The following BMPR2 variants were observed in gnomAD, a reference collection of about 807,000 sequenced individuals.
BMPR2 encodes bone morphogenetic protein receptor type 2.
In BMPR2, 29 loss-of-function variants were observed where a neutral mutation model predicts 100.8. The observed-to-expected ratio is 0.29, with a 90% confidence interval of 0.21 to 0.39. The LOEUF is 0.39. Among genes scored for constraint, BMPR2 ranks in the 10% least tolerant of loss-of-function variants. BMPR2 has a pLI of 1.00. For missense variants in BMPR2, 1,011 were observed against 1,274.5 expected (o/e 0.79, Z 3.15); for synonymous variants, 382 against 442.3 (o/e 0.86, Z 1.71).
intron 3 of BMPR2, among the ~76,000 whole-genome samples, chr2:202,482,177 A>G (rs1016293052): frequency 9.9e-5 from 15 of 152,164 alleles, no homozygotes; most frequent in African/African-American, 2.9e-4. Flanking sequence ...AGGCTGAATA[A>G]TATTCCATTT....
At chr2:202,440,496 C>T (rs1277514386) in intron 1 of BMPR2, among the ~76,000 whole-genome samples, 7 of 148,738 alleles carry the variant, frequency 4.7e-5, no homozygotes, top group Admixed American at 4.7e-4. Flanking sequence ...GGCGGCCAGG[C>T]AGAGGGGCTC....
At chr2:202,427,549 T>A (rs1559035217) in intron 1 of BMPR2, among the ~76,000 whole-genome samples, 1 of 152,100 alleles carries the variant, frequency 6.6e-6, no homozygotes, top group Non-Finnish European at 1.5e-5. Flanking sequence ...CCTCTGAACC[T>A]TAAAACTTTT....
intron 10 of BMPR2, among the ~76,000 whole-genome samples, chr2:202,543,234 T>TTATATACATATATATTTATATATATATG (rs1559070554): frequency 4.8e-5 from 7 of 147,008 alleles, no homozygotes; most frequent in South Asian, 2.1e-4. Context: ...ATATATATAT[T>TTATATACATATATATTTATATATATATG]TATATACATA....
At chr2:202,540,284 G>T (rs1688247294) in intron 9 of BMPR2, among the ~76,000 whole-genome samples, 1 of 152,266 alleles carries the variant, frequency 6.6e-6, no homozygotes, top group East Asian at 1.9e-4. Context: ...TGTGTTGTGT[G>T]TATGTCTCAG....
At position 202,561,936 on chromosome 2, in the gene BMPR2, C is replaced by T. The variant is rs1355717976; in HGVS notation, c.*1990C>T. On this transcript the variant is annotated 3_prime_UTR_variant, in exon 13 of 13. Coordinates refer to ENST00000374580, the MANE Select transcript of BMPR2 (RefSeq NM_001204.7). ...TTTCCACGTTTTGTGTTTTATTGGC[C>T]CTTTTCTTTATTCAGCCCCTTAATC... 1 of 152,016 alleles carries T rather than the reference C, an allele frequency of 6.6e-6. No individual in the cohort carries two copies. Among genetic ancestry groups the T allele is most frequent in the Non-Finnish European group, 1.5e-5 (1 of 67,962 alleles). The allele number at this position is 152,016 out of a possible 1,614,324, so 9.4% of individuals were successfully genotyped here.
intron 1 of BMPR2, among the ~76,000 whole-genome samples, chr2:202,429,876 A>G (rs894477581): frequency 2.0e-5 from 3 of 152,178 alleles, no homozygotes; most frequent in East Asian, 1.9e-4. Flanking sequence ...AAACTGCACC[A>G]TGATCCAGTC....
At chr2:202,531,848 G>A (rs1688034798) in intron 8 of BMPR2, among the ~76,000 whole-genome samples, 1 of 149,408 alleles carries the variant, frequency 6.7e-6, no homozygotes, top group South Asian at 2.1e-4. Context: ...GGGTGGTCTT[G>A]AAGTCCTGAC....
At chr2:202,453,830 T>C (rs1236410354) in intron 1 of BMPR2, among the ~76,000 whole-genome samples, 1 of 152,202 alleles carries the variant, frequency 6.6e-6, no homozygotes, top group Admixed American at 6.5e-5. Context: ...AATTGGATTG[T>C]TTGTAATACA....
At chr2:202,457,557 TATATAGAGAGAGAGAG>T (rs1383278133) in intron 1 of BMPR2, among the ~76,000 whole-genome samples, 37 of 100,802 alleles carry the variant, frequency 3.7e-4, no homozygotes, top group African/African-American at 4.6e-4. Flanking sequence ...TATATATATA[TATATAGAGAGAGAGAG>T]AGAGAGAGAG....
chr2:202,554,568 A>G (rs897227297), intron 11 of BMPR2, among the ~76,000 whole-genome samples: 25 of 152,030 alleles, frequency 1.6e-4, no homozygotes, highest in African/African-American at 5.8e-4. Context: ...CTTATAAATA[A>G]CTGTCACTCC....
rs141184345 is a variant in BMPR2, at chr2:202,536,314, A to G, written c.1276+3582A>G. Reference sequence around the variant, plus strand: ...TTTTTTGTAGAGACAAGGTTTCACCATGTTGCTCAGGCTGGTCTCAAACTC... The same window carrying G: ...TTTTTTGTAGAGACAAGGTTTCACCGTGTTGCTCAGGCTGGTCTCAAACTC... On this transcript the variant is annotated intron_variant, in intron 9 of 12. Transcript: ENST00000374580. 3.0e-3 allele frequency among the ~76,000 whole-genome samples: 452 copies of G among 152,034 alleles called. 2 individuals are homozygous for G. Among genetic ancestry groups the G allele is most frequent in the African/African-American group, 0.011 (438 of 41,488 alleles).
At chr2:202,483,368 G>GGTTTTTGTTTTTTT (rs1359309027) in intron 3 of BMPR2, among the ~76,000 whole-genome samples, 1 of 151,256 alleles carries the variant, frequency 6.6e-6, no homozygotes, top group Non-Finnish European at 1.5e-5. Flanking sequence ...TTTGTTGGTT[G>GGTTTTTGTTTTTTT]GTTTTTGTTT....
At chr2:202,386,404 C>T (rs930735522) in intron 1 of BMPR2, among the ~76,000 whole-genome samples, 12 of 152,176 alleles carry the variant, frequency 7.9e-5, no homozygotes, top group African/African-American at 2.9e-4. Flanking sequence ...CAGTTCTATC[C>T]TTCCAGTTGT....
intron 3 of BMPR2, among the ~76,000 whole-genome samples, chr2:202,507,521 C>T (rs1687543750): frequency 6.6e-6 from 1 of 152,100 alleles, no homozygotes; most frequent in African/African-American, 2.4e-5. Flanking sequence ...TCCCAAGTAA[C>T]TGGGACTATA....
chr2:202,467,244 CAA>C (rs1692341950), intron 2 of BMPR2, among the ~76,000 whole-genome samples: 3 of 152,174 alleles, frequency 2.0e-5, no homozygotes, highest in Admixed American at 2.0e-4. Flanking sequence ...GCCTGGGCAA[CAA>C]GAGTGAAACT....
In BMPR2 at chr2:202,504,926, G is replaced by A. The variant is rs369448548; in HGVS notation, c.419-8793G>A. On this transcript the variant is annotated intron_variant, in intron 3 of 12. Coordinates refer to ENST00000374580, the MANE Select transcript of BMPR2 (RefSeq NM_001204.7). ...GCACTCCTGACATCATGATCCACCC[G>A]CCTTGGCCTCCCAAAGTGCTGGGAT... is the stretch of plus-strand genomic sequence containing the variant. 1,077 of 152,886 alleles carry A rather than the reference G, an allele frequency of 7.0e-3. 5 individuals carry two copies. The highest frequency in any genetic ancestry group is 0.026 in the South Asian group (127 of 4,874). The allele number at this position is 152,886 out of a possible 1,614,324, so 9.5% of individuals were successfully genotyped here. A position where few individuals can be genotyped will look rare whatever the true frequency, so the allele number is the denominator to read the frequency against.
chr2:202,482,296 T>C (rs1441726859), intron 3 of BMPR2, among the ~76,000 whole-genome samples: 2 of 152,196 alleles, frequency 1.3e-5, no homozygotes, highest in Non-Finnish European at 2.9e-5. Flanking sequence ...TATACAAATA[T>C]CTCTTTGAGA....
At chr2:202,460,813 C>CA (rs1692211167) in intron 1 of BMPR2, among the ~76,000 whole-genome samples, 4 of 146,894 alleles carry the variant, frequency 2.7e-5, no homozygotes, top group Admixed American at 1.4e-4. Flanking sequence ...GAGAAAAGAC[C>CA]AAACTTTTTT....
At chr2:202,433,256 G>C (rs1559036841) in intron 1 of BMPR2, among the ~76,000 whole-genome samples, 2 of 150,126 alleles carry the variant, frequency 1.3e-5, no homozygotes, top group Non-Finnish European at 2.9e-5. Context: ...TAAGTAGATA[G>C]GTAGGTAGGT....
Sources: gnomAD v4.1 joint callset for allele counts (sites outside exome capture counted in the v4.1 genomes callset) on GRCh38, gnomAD v4.1.1 for gene constraint, MANE v1.5 for transcripts, NCBI Gene and HGNC (gene_info 2026-07-23, HGNC 2026-07-21) for gene names.